The following TAFA2 variants were observed in gnomAD, a reference collection of about 807,000 sequenced individuals.
TAFA2 encodes the protein chemokine-like protein TAFA-2.
In TAFA2, 7 loss-of-function variants were observed where a neutral mutation model predicts 18.8. That is an observed-to-expected ratio of 0.37 (90% CI 0.21 to 0.70). The LOEUF is 0.70. Ranked by LOEUF, TAFA2 falls within the 30% of genes least tolerant of loss-of-function variation. TAFA2 has a pLI of 0.53. For synonymous variants in TAFA2, 60 were observed against 54.2 expected, an observed-to-expected ratio of 1.11 and a Z score of -0.47; for missense variants, 122 against 158.1, an observed-to-expected ratio of 0.77 and a Z score of 1.23.
rs565253557 is a variant in TAFA2 at position 62,165,342 on chromosome 12, A to C, written c.-2+25917T>G. On this transcript the variant is annotated intron_variant, in intron 1 of 4. Coordinates refer to ENST00000416284, the MANE Select transcript of TAFA2 (RefSeq NM_178539.5). ...TTACTTTCTTCCTCCTTCCTCATGT[A>C]CTCAAGGCATGGAACTTTCCAAAGC... 2.0e-5 allele frequency among the ~76,000 whole-genome samples: 3 copies of C among 151,868 alleles called. No individual in the cohort carries two copies. In the South Asian group the frequency reaches 6.2e-4, roughly 32 times the overall value.
chr12:61,755,870 G>C (rs1592368036), intron 2 of TAFA2, among the ~76,000 whole-genome samples: 1 of 151,888 alleles, frequency 6.6e-6, no homozygotes, highest in East Asian at 1.9e-4. Context: ...TCTTCAAATA[G>C]TAATCCTACT....
Position 61,776,139 on chromosome 12 carries a change from A to T in TAFA2, c.107-21115T>A, listed in dbSNP as rs1223355090. 7.4e-6 allele frequency: 3 copies of T among 407,316 alleles called. No individual in the cohort carries two copies. In the East Asian group the frequency reaches 2.0e-4, roughly 28 times the overall value. The allele number at this position is 407,316 out of a possible 1,614,324, so 25.2% of individuals were successfully genotyped here. A position where few individuals can be genotyped will look rare whatever the true frequency, so the allele number is the denominator to read the frequency against. The stretch of plus-strand genomic sequence containing the variant: ...CAATGTTACCTAGCATGCTGTTGGC[A>T]TTATTGTAAACAGACAATTTAAGGG... On this transcript the variant is annotated intron_variant, in intron 2 of 4. Coordinates refer to ENST00000416284, the MANE Select transcript of TAFA2 (RefSeq NM_178539.5).
intron 2 of TAFA2, among the ~76,000 whole-genome samples, chr12:61,852,639 G>C (rs1193029950): frequency 6.6e-6 from 1 of 152,138 alleles, no homozygotes; most frequent in Non-Finnish European, 1.5e-5. Flanking sequence ...GAAGAAATCA[G>C]TCAGAGTAGT....
chr12:61,758,597 G>T (rs1869384998), intron 2 of TAFA2, among the ~76,000 whole-genome samples: 1 of 151,902 alleles, frequency 6.6e-6, no homozygotes, highest in Non-Finnish European at 1.5e-5. Context: ...AAGAAATATG[G>T]CAGCCCTTGG....
intron 1 of TAFA2, among the ~76,000 whole-genome samples, chr12:61,885,725 G>A (rs1460257551): frequency 2.0e-5 from 3 of 152,178 alleles, no homozygotes; most frequent in African/African-American, 7.2e-5. Flanking sequence ...ATGGTAAACA[G>A]AAATAATTTG....
At chr12:61,720,894 C>T (rs1592343328) in intron 4 of TAFA2, 1 of 517,280 alleles carries the variant, frequency 1.9e-6, no homozygotes, top group South Asian at 1.4e-5. Flanking sequence ...TCTACTTCTC[C>T]ATTCGAACTT....
At chr12:62,128,815 TC>T (rs1268114572) in intron 1 of TAFA2, among the ~76,000 whole-genome samples, 1 of 152,050 alleles carries the variant, frequency 6.6e-6, no homozygotes, top group East Asian at 1.9e-4. Context: ...AAAACGTACT[TC>T]CGTGGATAAG....
intron 1 of TAFA2, among the ~76,000 whole-genome samples, chr12:61,997,250 A>G (rs973890703): frequency 6.6e-6 from 1 of 151,536 alleles, no homozygotes; most frequent in Non-Finnish European, 1.5e-5. Context: ...AAGTAAAATA[A>G]TGAGTGATGG....
chr12:61,934,759 C>G (rs543819492), intron 1 of TAFA2, among the ~76,000 whole-genome samples: 1 of 152,188 alleles, frequency 6.6e-6, no homozygotes, highest in Admixed American at 6.5e-5. Flanking sequence ...ACCTTTCACA[C>G]TGTCTCTCTC....
chr12:61,723,558 G>T (rs1363493920), intron 4 of TAFA2, among the ~76,000 whole-genome samples: 2 of 152,022 alleles, frequency 1.3e-5, no homozygotes, highest in Admixed American at 1.3e-4. Context: ...CTATGATTCT[G>T]CAGTTTCAGC....
chr12:62,235,729 T>C (rs921311368), intron 1 of TAFA2, among the ~76,000 whole-genome samples: 8 of 152,300 alleles, frequency 5.3e-5, no homozygotes, highest in Admixed American at 4.6e-4. Flanking sequence ...GGATCTATTT[T>C]AGGTTTTTGG....
At chr12:62,211,529 A>G (rs1161646092) in intron 1 of TAFA2, among the ~76,000 whole-genome samples, 2 of 151,398 alleles carry the variant, frequency 1.3e-5, no homozygotes, top group South Asian at 2.1e-4. Flanking sequence ...GCAGTGAGCC[A>G]AGATTGTGCT....
At chr12:62,050,320 C>T (rs1401621640) in intron 1 of TAFA2, among the ~76,000 whole-genome samples, 1 of 151,902 alleles carries the variant, frequency 6.6e-6, no homozygotes, top group Non-Finnish European at 1.5e-5. Flanking sequence ...CCTGTAATCC[C>T]AGCACTTTGG....
At chr12:62,082,416 C>G (rs1368541758) in intron 1 of TAFA2, among the ~76,000 whole-genome samples, 1 of 152,168 alleles carries the variant, frequency 6.6e-6, no homozygotes, top group African/African-American at 2.4e-5. Flanking sequence ...TAGTAGTAAG[C>G]AGCTATTTTT....
intron 1 of TAFA2, among the ~76,000 whole-genome samples, chr12:62,016,792 T>G (rs1592551568): frequency 1.8e-5 from 1 of 54,278 alleles, no homozygotes; most frequent in African/African-American, 6.3e-5. Context: ...AGGGTACCAG[T>G]AAGTACCTGG....
intron 1 of TAFA2, among the ~76,000 whole-genome samples, chr12:62,239,887 T>C (rs1324482337): frequency 6.6e-6 from 1 of 152,188 alleles, no homozygotes; most frequent in Non-Finnish European, 1.5e-5. Flanking sequence ...AAATAAATGA[T>C]TGTTGTTGTT....
At chr12:62,093,432 A>G (rs1036568291) in intron 1 of TAFA2, among the ~76,000 whole-genome samples, 1 of 152,076 alleles carries the variant, frequency 6.6e-6, no homozygotes, top group Non-Finnish European at 1.5e-5. Context: ...AATCTATTGT[A>G]TATTGGCATT....
intron 1 of TAFA2, among the ~76,000 whole-genome samples, chr12:62,031,237 G>A (rs577943033): frequency 6.4e-4 from 97 of 152,230 alleles, no homozygotes; most frequent in Non-Finnish European, 9.3e-4. Context: ...CTTAATCTGG[G>A]TGGTCACCAT....
chr12:62,010,502 G>A (rs1345489923), intron 1 of TAFA2, among the ~76,000 whole-genome samples: 1 of 152,106 alleles, frequency 6.6e-6, no homozygotes, highest in Non-Finnish European at 1.5e-5. Context: ...ATCTCAGCTC[G>A]CTGCAACCTG....
Sources: allele counts gnomAD v4.1 joint callset (sites outside exome capture counted in the v4.1 genomes callset), GRCh38; gene constraint gnomAD v4.1.1; transcripts MANE v1.5; gene names NCBI Gene and HGNC (gene_info 2026-07-23, HGNC 2026-07-21).